Variants in PRKG1 observed in about 807,000 individuals in gnomAD.
The protein encoded by PRKG1 is protein kinase cGMP-dependent 1.
In PRKG1, 35 loss-of-function variants were observed where a neutral mutation model predicts 88.1. The ratio of observed to expected loss-of-function variants is 0.40; its 90% CI spans 0.30 to 0.53. The LOEUF (loss-of-function observed/expected upper bound fraction) is 0.53. Among genes scored for constraint, PRKG1 ranks in the 20% least tolerant of loss-of-function variants. The pLI is 0.59. For synonymous variants in PRKG1, 303 were observed against 292.5 expected, an observed-to-expected ratio of 1.04 and a Z score of -0.37; for missense variants, 540 against 839.8, an observed-to-expected ratio of 0.64 and a Z score of 4.41.
At chr10:51,763,248 T>C (rs1172533174) in intron 3 of PRKG1, among the ~76,000 whole-genome samples, 1 of 152,090 alleles carries the variant, frequency 6.6e-6, no homozygotes, top group African/African-American at 2.4e-5. Flanking sequence ...TTTTTTATTT[T>C]AGAGACAGGA....
intron 4 of PRKG1, among the ~76,000 whole-genome samples, chr10:51,830,954 C>T (rs1307703266): frequency 7.1e-6 from 1 of 140,792 alleles, no homozygotes; most frequent in African/African-American, 3.1e-5. Flanking sequence ...TCTGTGCTAC[C>T]TTTCTTTTTT....
chr10:51,853,923 G>A (rs1589357917), intron 4 of PRKG1, among the ~76,000 whole-genome samples: 2 of 151,948 alleles, frequency 1.3e-5, no homozygotes, highest in South Asian at 4.1e-4. Flanking sequence ...TTTTTTCCAA[G>A]TGTTTTTTTT....
intron 1 of PRKG1, among the ~76,000 whole-genome samples, chr10:51,133,332 C>G (rs1845615597): frequency 6.6e-6 from 1 of 152,182 alleles, no homozygotes. Flanking sequence ...TACCTTTTCT[C>G]TCCTTTGCCT....
intron 2 of PRKG1, among the ~76,000 whole-genome samples, chr10:51,226,200 T>G (rs1040266444): frequency 6.6e-6 from 1 of 152,156 alleles, no homozygotes; most frequent in Non-Finnish European, 1.5e-5. Context: ...TGAGACTCTG[T>G]CTGCAAAAAC....
chr10:52,102,389 T>G (rs955222471), intron 7 of PRKG1, among the ~76,000 whole-genome samples: 15 of 151,934 alleles, frequency 9.9e-5, no homozygotes, highest in African/African-American at 3.6e-4. Flanking sequence ...TGAAAGAGAA[T>G]CTCTGCAGAG....
At chr10:51,148,322 A>G in intron 1 of PRKG1, 2 of 950,332 alleles carry the variant, frequency 2.1e-6, no homozygotes, top group Non-Finnish European at 2.5e-6. Context: ...TTGACCATTC[A>G]GTGCAAAAGA....
At chr10:52,157,652 G>C (rs1360802978) in intron 8 of PRKG1, among the ~76,000 whole-genome samples, 12 of 151,474 alleles carry the variant, frequency 7.9e-5, no homozygotes, top group Admixed American at 7.9e-4. Context: ...TCTAAAATGA[G>C]AAACAGCCTC....
At chr10:52,286,186 T>C (rs1248889156) in intron 14 of PRKG1, among the ~76,000 whole-genome samples, 1 of 152,038 alleles carries the variant, frequency 6.6e-6, no homozygotes. Flanking sequence ...ATCAAAGCCA[T>C]AAAAACACGG....
chr10:51,276,268 T>A (rs1237637204), intron 2 of PRKG1, among the ~76,000 whole-genome samples: 2 of 152,180 alleles, frequency 1.3e-5, no homozygotes, highest in Non-Finnish European at 2.9e-5. Flanking sequence ...TGCAGCTTCA[T>A]CCATGTCCCT....
intron 1 of PRKG1, among the ~76,000 whole-genome samples, chr10:51,078,590 ATATTTATT>A (rs35676352): frequency 0.014 from 1,910 of 137,296 alleles, 35 homozygotes; most frequent in African/African-American, 0.038. Flanking sequence ...ATATTTATTT[ATATTTATT>A]TATTTATTTA....
intron 5 of PRKG1, among the ~76,000 whole-genome samples, chr10:52,033,245 T>C (rs1301278887): frequency 2.0e-5 from 3 of 152,178 alleles, no homozygotes; most frequent in Admixed American, 1.3e-4. Context: ...AATGAGAAGA[T>C]TGCCTGGTGA....
chr10:51,265,765 A>G (rs1766775634), intron 2 of PRKG1, among the ~76,000 whole-genome samples: 1 of 152,162 alleles, frequency 6.6e-6, no homozygotes. Context: ...TGAGAAAACC[A>G]TGGAAGGGAC....
At chr10:51,221,913 C>CG (rs1374715308) in intron 2 of PRKG1, among the ~76,000 whole-genome samples, 6 of 132,810 alleles carry the variant, frequency 4.5e-5, no homozygotes, top group Non-Finnish European at 7.7e-5. Flanking sequence ...TTTCACTCGT[C>CG]GCCCAGGCTG....
At chr10:51,148,674 G>A (rs1466655307) in intron 1 of PRKG1, among the ~76,000 whole-genome samples, 3 of 152,084 alleles carry the variant, frequency 2.0e-5, no homozygotes, top group Non-Finnish European at 4.4e-5. Context: ...TGTAAGAGTT[G>A]CCTGAGAGTA....
chr10:51,809,701 A>G (rs1839402092), intron 4 of PRKG1, among the ~76,000 whole-genome samples: 1 of 152,220 alleles, frequency 6.6e-6, no homozygotes, highest in African/African-American at 2.4e-5. Context: ...TAAGCTACAC[A>G]GTAGATCCTG....
At chr10:52,028,728 A>G (rs1481910356) in intron 5 of PRKG1, among the ~76,000 whole-genome samples, 1 of 152,148 alleles carries the variant, frequency 6.6e-6, no homozygotes, top group African/African-American at 2.4e-5. Context: ...GATATTTTGA[A>G]CTGTACAGAC....
At chr10:51,318,458 C>T (rs908518577) in intron 2 of PRKG1, among the ~76,000 whole-genome samples, 2 of 152,110 alleles carry the variant, frequency 1.3e-5, no homozygotes, top group East Asian at 3.9e-4. Context: ...TTATATGACA[C>T]ATTTTTCAAT....
At chr10:51,152,915 G>C (rs1050186871) in intron 1 of PRKG1, among the ~76,000 whole-genome samples, 8 of 150,416 alleles carry the variant, frequency 5.3e-5, no homozygotes, top group African/African-American at 2.0e-4. Flanking sequence ...TTTGTTGGTT[G>C]GTTGGTTGGT....
At chr10:51,619,340 C>G (rs1191790708) in intron 3 of PRKG1, among the ~76,000 whole-genome samples, 8 of 152,056 alleles carry the variant, frequency 5.3e-5, no homozygotes, top group African/African-American at 1.9e-4. Context: ...CTGACTAATG[C>G]CTTGATATTA....
Sources: gnomAD v4.1 joint callset for allele counts (sites outside exome capture counted in the v4.1 genomes callset) on GRCh38, gnomAD v4.1.1 for gene constraint, MANE v1.5 for transcripts, NCBI Gene and HGNC (gene_info 2026-07-23, HGNC 2026-07-21) for gene names.